The following EBAG9 variants were observed in gnomAD, a reference collection of about 807,000 sequenced individuals.
EBAG9 encodes receptor-binding cancer antigen expressed on SiSo cells.
Under a neutral mutation model 30.9 loss-of-function variants are expected in EBAG9, and 16 were observed. The observed-to-expected ratio is 0.52, with a 90% CI of 0.35 to 0.79. The LOEUF (loss-of-function observed/expected upper bound fraction) is 0.79, where lower values mean the gene tolerates loss of function less well. EBAG9 is among the 30% of genes least tolerant of loss of function. EBAG9 has a pLI of 0.01. For missense variants in EBAG9, 197 were observed against 242.1 expected (o/e 0.81, Z 1.24); for synonymous variants, 93 against 82.8 (o/e 1.12, Z -0.67).
At chr8:109,556,298 T>C (rs1821596824) in intron 4 of EBAG9, among the ~76,000 whole-genome samples, 1 of 152,092 alleles carries the variant, frequency 6.6e-6, no homozygotes, top group Non-Finnish European at 1.5e-5. Flanking sequence ...ATTTACATTG[T>C]CTAGGTTGAT....
intron 5 of EBAG9, among the ~76,000 whole-genome samples, chr8:109,559,980 CAG>C (rs1472221059): frequency 5.1e-5 from 6 of 117,104 alleles, no homozygotes; most frequent in African/African-American, 9.1e-5. Context: ...GAATTTTTAA[CAG>C]AGTATGGTAT....
chr8:109,554,758 T>C lies in EBAG9; in HGVS notation c.192T>C (p.Asp64=). 2 of 1,613,460 alleles carry C rather than the reference T, an allele frequency of 1.2e-6. No homozygotes were observed. Among genetic ancestry groups the C allele is most frequent in the Non-Finnish European group, 1.7e-6 (2 of 1,179,650 alleles). ...ATGTTGAAGAGTGGACTTCCTGGGA[T>C]GAAGATGCACCCACCAGTGTAAAGA... ...QTDVEEWTSW[D]EDAPTSVKIE... Residue 64 remains aspartate, a synonymous_variant, in exon 4 of 7, where the codon GAT becomes GAC. Transcript: ENST00000337573.
intron 5 of EBAG9, among the ~76,000 whole-genome samples, chr8:109,559,545 C>G (rs1293488665): frequency 3.9e-5 from 6 of 152,124 alleles, no homozygotes; most frequent in Non-Finnish European, 7.3e-5. Context: ...AGTGCAGTGG[C>G]TCACACTTGT....
chr8:109,545,629 C>G (rs1210760475), intron 1 of EBAG9, among the ~76,000 whole-genome samples: 1 of 152,118 alleles, frequency 6.6e-6, no homozygotes, highest in Non-Finnish European at 1.5e-5. Context: ...TCCCAAAGCG[C>G]TGGGACTACA....
intron 3 of EBAG9, 84 bp from the exon 4 acceptor site, chr8:109,554,645 A>T: frequency 7.2e-6 from 10 of 1,390,938 alleles, no homozygotes; most frequent in Non-Finnish European, 9.8e-6. Flanking sequence ...GTGTTTTAGA[A>T]AGCCCATTTT....
chr8:109,548,177 A>G lies in EBAG9; in HGVS notation c.-15-2633A>G, dbSNP rs117482497. On this transcript the variant is annotated intron_variant, in intron 1 of 6. Coordinates refer to ENST00000337573, the MANE Select transcript of EBAG9 (RefSeq NM_004215.5). ...CTTTTAACTGGTGCCAGATATATAT[A>G]GAAGGTTTTTGTTTTGATTTTTTCC... 9.3e-4 allele frequency among the ~76,000 whole-genome samples: 141 copies of G among 152,212 alleles called. No individual in the cohort carries two copies. In the East Asian group the frequency reaches 0.026, roughly 28 times the overall value.
chr8:109,560,244 A>C (rs1004166826), intron 5 of EBAG9, among the ~76,000 whole-genome samples: 1 of 152,204 alleles, frequency 6.6e-6, no homozygotes, highest in African/African-American at 2.4e-5. Flanking sequence ...CAGGTAAGAA[A>C]GACTGGGAAA....
Position 109,540,479 on chromosome 8 carries a change from T to G in EBAG9, c.-16+18T>G, listed in dbSNP as rs1821250280. 1 of 152,148 alleles carries G rather than the reference T, an allele frequency of 6.6e-6. No homozygotes were observed. The highest frequency in any genetic ancestry group is 2.1e-4 in the South Asian group (1 of 4,832). The allele number at this position is 152,148 out of a possible 1,614,324, so 9.4% of individuals were successfully genotyped here. On this transcript the variant is annotated intron_variant, in intron 1 of 6. Transcript: ENST00000337573. The stretch of plus-strand genomic sequence containing the variant: ...TGCAGTGGGTATGATTTTTTTTTCA[T>G]CAACAAATTTCACGTGGGTAATCTG...
chr8:109,546,005 T>C (rs939099607), intron 1 of EBAG9, among the ~76,000 whole-genome samples: 1 of 152,230 alleles, frequency 6.6e-6, no homozygotes, highest in Non-Finnish European at 1.5e-5. Context: ...AGAATGCTTT[T>C]TATGAAATAT....
intron 5 of EBAG9, 21 bp from the exon 6 acceptor site, chr8:109,560,817 T>G (rs1821695712): frequency 6.4e-7 from 1 of 1,572,720 alleles, no homozygotes. Flanking sequence ...TCTCTTAATT[T>G]TGTTTTACTT....
intron 1 of EBAG9, among the ~76,000 whole-genome samples, chr8:109,541,895 G>A (rs1265604346): frequency 6.6e-6 from 1 of 152,198 alleles, no homozygotes; most frequent in Non-Finnish European, 1.5e-5. Context: ...TCAAAGTGTG[G>A]CTTGATCGCA....
chr8:109,542,067 T>C (rs766100052), intron 1 of EBAG9, among the ~76,000 whole-genome samples: 1 of 152,202 alleles, frequency 6.6e-6, no homozygotes, highest in African/African-American at 2.4e-5. Flanking sequence ...TGTGTTTAAT[T>C]CAATGAAACA....
chr8:109,552,555 T>G (rs1821515151), intron 2 of EBAG9, among the ~76,000 whole-genome samples: 1 of 152,242 alleles, frequency 6.6e-6, no homozygotes, highest in South Asian at 2.1e-4. Context: ...ACAGTGGTGA[T>G]GAAATGTAGA....
chr8:109,552,073 T>C (rs1402501294), intron 2 of EBAG9, among the ~76,000 whole-genome samples: 3 of 151,990 alleles, frequency 2.0e-5, no homozygotes, highest in Admixed American at 1.3e-4. Flanking sequence ...AGCAATCAGC[T>C]CTTTTTTTAA....
At chr8:109,559,296 A>G (rs1821665478) in intron 5 of EBAG9, among the ~76,000 whole-genome samples, 1 of 151,936 alleles carries the variant, frequency 6.6e-6, no homozygotes, top group Non-Finnish European at 1.5e-5. Context: ...CCCTCTACAA[A>G]AATTAAAAAG....
At chr8:109,554,980 TA>T in intron 4 of EBAG9, 93 bp downstream of exon 4, 1 of 1,279,128 alleles carries the variant, frequency 7.8e-7, no homozygotes, top group Non-Finnish European at 1.1e-6. Context: ...TTAGAAAGCC[TA>T]TTTCTTTTTT....
At chr8:109,562,434 G>C (rs552460133) in intron 6 of EBAG9, among the ~76,000 whole-genome samples, 3 of 152,020 alleles carry the variant, frequency 2.0e-5, no homozygotes, top group African/African-American at 7.2e-5. Context: ...CATAGGTAGA[G>C]CCAAAGAGAA....
intron 5 of EBAG9, among the ~76,000 whole-genome samples, chr8:109,559,416 C>G (rs1362991658): frequency 1.3e-5 from 2 of 152,134 alleles, no homozygotes; most frequent in Non-Finnish European, 2.9e-5. Flanking sequence ...TGTGATCACA[C>G]CACTACACTC....
At position 109,563,669 on chromosome 8, in the gene EBAG9, C is replaced by T. The variant is rs764634780; in HGVS notation, c.522-770C>T. 34 of 924,244 alleles carry T rather than the reference C, an allele frequency of 3.7e-5. No homozygotes were observed. The East Asian group carries it at 4.0e-4, about 11-fold the overall frequency. The allele number at this position is 924,244 out of a possible 1,614,324, so 57.3% of individuals were successfully genotyped here. On this transcript the variant is annotated intron_variant, in intron 6 of 6. Coordinates refer to ENST00000337573, the MANE Select transcript of EBAG9 (RefSeq NM_004215.5). ...GTAAACATGTGTCAAGGGGGTTTGT[C>T]GTACAGATATTTCATCAGCCAGGTA...
Sources: allele counts gnomAD v4.1 joint callset (sites outside exome capture counted in the v4.1 genomes callset), GRCh38; gene constraint gnomAD v4.1.1; transcripts MANE v1.5; gene names NCBI Gene and HGNC (gene_info 2026-07-23, HGNC 2026-07-21).